TYW1: variants seen among roughly 807,000 people sequenced by gnomAD.
TYW1 encodes the protein S-adenosyl-L-methionine-dependent tRNA 4-demethylwyosine synthase TYW1.
In TYW1, 46 loss-of-function variants were observed where a neutral mutation model predicts 96.2. The ratio of observed to expected loss-of-function variants is 0.48; its 90% CI spans 0.38 to 0.61. TYW1 has a LOEUF of 0.61. Ranked by LOEUF, TYW1 falls within the 20% of genes least tolerant of loss-of-function variation. The pLI is 0.00. For missense variants in TYW1, 684 were observed against 909.6 expected (o/e 0.75, Z 3.19); for synonymous variants, 274 against 323.0 (o/e 0.85, Z 1.63).
chr7:67,093,901 A>G (rs1343192226), intron 11 of TYW1, among the ~76,000 whole-genome samples: 3 of 152,186 alleles, frequency 2.0e-5, no homozygotes, highest in Non-Finnish European at 2.9e-5. Flanking sequence ...TGTTATTTAC[A>G]TCGGTGTATT....
At chr7:67,060,639 T>C (rs1271108207) in intron 9 of TYW1, among the ~76,000 whole-genome samples, 1 of 152,344 alleles carries the variant, frequency 6.6e-6, no homozygotes, top group South Asian at 2.1e-4. Context: ...AATGAATCGA[T>C]ACAAAAGTAT....
At chr7:67,175,504 A>G (rs1223789488) in intron 13 of TYW1, among the ~76,000 whole-genome samples, 1 of 152,236 alleles carries the variant, frequency 6.6e-6, no homozygotes, top group Non-Finnish European at 1.5e-5. Context: ...TCTAAGAAGA[A>G]TAAGACAAAA....
intron 13 of TYW1, among the ~76,000 whole-genome samples, chr7:67,146,150 A>C (rs1193927618): frequency 1.3e-5 from 2 of 152,174 alleles, no homozygotes; most frequent in Non-Finnish European, 2.9e-5. Context: ...TACTATGTGC[A>C]TAACTTTATC....
chr7:67,035,385 G>A (rs1417223320), intron 7 of TYW1, among the ~76,000 whole-genome samples: 1 of 151,954 alleles, frequency 6.6e-6, no homozygotes, highest in Non-Finnish European at 1.5e-5. Flanking sequence ...CAAAGTGTTG[G>A]GATTACAAGC....
chr7:67,096,314 G>C (rs1478606154), intron 11 of TYW1, among the ~76,000 whole-genome samples: 5 of 152,124 alleles, frequency 3.3e-5, no homozygotes, highest in Non-Finnish European at 5.9e-5. Flanking sequence ...GGCTTGAACC[G>C]AGGAGGTGGA....
chr7:67,034,625 C>T (rs1777712395), intron 7 of TYW1, among the ~76,000 whole-genome samples: 1 of 152,106 alleles, frequency 6.6e-6, no homozygotes, highest in Non-Finnish European at 1.5e-5. Flanking sequence ...GGTCTACAGA[C>T]TGCTTTTCTT....
chr7:67,106,158 A>G (rs1417188540), intron 12 of TYW1, among the ~76,000 whole-genome samples: 2 of 152,188 alleles, frequency 1.3e-5, no homozygotes, highest in African/African-American at 4.8e-5. Context: ...TGGCCTCCCA[A>G]AGTGCTGGGA....
At chr7:67,062,566 C>CAAAAAAAAAAAAAA (rs56770876) in intron 9 of TYW1, among the ~76,000 whole-genome samples, 66 of 89,016 alleles carry the variant, frequency 7.4e-4, no homozygotes, top group East Asian at 1.0e-3. Context: ...GACTCCGTCT[C>CAAAAAAAAAAAAAA]AAAAAAAAAA....
At chr7:67,010,621 G>A (rs1024269919) in intron 4 of TYW1, among the ~76,000 whole-genome samples, 4 of 151,876 alleles carry the variant, frequency 2.6e-5, no homozygotes, top group Non-Finnish European at 5.9e-5. Flanking sequence ...GACTACAGGC[G>A]CCCGCCGCCA....
intron 10 of TYW1, among the ~76,000 whole-genome samples, chr7:67,068,058 G>A (rs1434051107): frequency 7.1e-6 from 1 of 141,340 alleles, no homozygotes; most frequent in South Asian, 2.2e-4. Context: ...TTTCGCTCTT[G>A]TTGCCCAGGG....
chr7:67,191,066 C>T, intron 14 of TYW1, among the ~76,000 whole-genome samples: 1 of 152,156 alleles, frequency 6.6e-6, no homozygotes, highest in Non-Finnish European at 1.5e-5. Context: ...GCAGGCTCTA[C>T]AAGAAGCATG....
At chr7:67,089,048 G>T (rs569279247) in intron 11 of TYW1, among the ~76,000 whole-genome samples, 216 of 152,226 alleles carry the variant, frequency 1.4e-3, no homozygotes, top group African/African-American at 4.9e-3. Flanking sequence ...CTTTTTGGAG[G>T]TCCACTCTTA....
At chr7:67,068,078 A>G (rs915859542) in intron 10 of TYW1, among the ~76,000 whole-genome samples, 2 of 150,864 alleles carry the variant, frequency 1.3e-5, no homozygotes, top group Admixed American at 1.3e-4. Context: ...GTGGAGGGCA[A>G]TGGCGTCATC....
At chr7:67,052,780 G>A (rs558553043) in intron 8 of TYW1, among the ~76,000 whole-genome samples, 2 of 152,128 alleles carry the variant, frequency 1.3e-5, no homozygotes, top group South Asian at 2.1e-4. Context: ...TGCCCAGGCC[G>A]GAGTGCAGTG....
At chr7:67,125,500 A>G (rs1797885661) in intron 13 of TYW1, among the ~76,000 whole-genome samples, 1 of 151,998 alleles carries the variant, frequency 6.6e-6, no homozygotes, top group Non-Finnish European at 1.5e-5. Context: ...GCATGCGTAC[A>G]TTACCTCCTT....
chr7:67,190,219 T>C (rs754139819), intron 14 of TYW1, among the ~76,000 whole-genome samples: 2 of 152,254 alleles, frequency 1.3e-5, no homozygotes, highest in Non-Finnish European at 2.9e-5. Flanking sequence ...TTTTCTTGTA[T>C]GTAGCAGTCC....
At chr7:67,167,673 T>G (rs1799383121) in intron 13 of TYW1, among the ~76,000 whole-genome samples, 2 of 152,054 alleles carry the variant, frequency 1.3e-5, no homozygotes, top group Admixed American at 1.3e-4. Context: ...AATCCTTTCC[T>G]GCCCTGTTCT....
intron 10 of TYW1, among the ~76,000 whole-genome samples, chr7:67,069,184 T>C (rs1369468899): frequency 6.6e-6 from 1 of 152,216 alleles, no homozygotes; most frequent in Non-Finnish European, 1.5e-5. Flanking sequence ...AAATAAATTT[T>C]AGCAAGTAGA....
At chr7:67,073,943 G>A (rs540130489) in intron 10 of TYW1, among the ~76,000 whole-genome samples, 8 of 151,170 alleles carry the variant, frequency 5.3e-5, no homozygotes, top group Non-Finnish European at 7.4e-5. Context: ...TTAGCCGGGC[G>A]TGGTGGCGGA....
Sources: allele counts gnomAD v4.1 joint callset (sites outside exome capture counted in the v4.1 genomes callset), GRCh38; gene constraint gnomAD v4.1.1; transcripts MANE v1.5; gene names NCBI Gene and HGNC (gene_info 2026-07-23, HGNC 2026-07-21).